The following ZFP1 variants were observed in gnomAD, a reference collection of about 807,000 sequenced individuals.
ZFP1 encodes zinc finger protein 1 homolog.
A neutral mutation model predicts 38.5 loss-of-function variants in ZFP1; 32 were observed. That is an observed-to-expected ratio of 0.83 (90% CI 0.63 to 1.12). The LOEUF is 1.12. Among genes scored for constraint, ZFP1 ranks in the 50% most tolerant of loss-of-function variants. The pLI, the probability that ZFP1 is intolerant of heterozygous loss-of-function variation, is 0.00. For synonymous variants in ZFP1, 245 were observed against 168.8 expected (o/e 1.45, Z -3.50); for missense variants, 616 against 480.8 (o/e 1.28, Z -2.63).
intron 2 of ZFP1, chr16:75,166,483 C>A (rs2038089897): frequency 1.1e-6 from 1 of 945,428 alleles, no homozygotes; most frequent in Admixed American, 6.2e-5. Context: ...GCCCACCTAG[C>A]CTCCCAAAGT....
At chr16:75,124,599 C>T in the ZFP1 span, among the ~76,000 whole-genome samples, 37 of 149,638 alleles carry the variant, frequency 2.5e-4, no homozygotes, top group East Asian at 1.6e-3. Context: ...CTGGCTAACA[C>T]GGTGAAACCC....
At position 75,170,877 on chromosome 16, in the gene ZFP1, G is replaced by C. The variant is rs564955287; in HGVS notation, c.*543G>C. The C allele has an allele frequency of 7.8e-6, 1 of 127,464 alleles. No individual in the cohort carries two copies. Among genetic ancestry groups the C allele is most frequent in the Non-Finnish European group, 1.8e-5 (1 of 56,756 alleles). 7.9% of individuals were successfully genotyped at this position (127,464 alleles called of 1,614,324 possible). ...ACATTTAAAGTAGCATGGAACCTAC[G>C]TCTTTCCCTACTGCTTGCTGGCATA... On this transcript the variant is annotated 3_prime_UTR_variant, in exon 4 of 4. Transcript: ENST00000570010.
chr16:75,133,866 T>C, the ZFP1 span, among the ~76,000 whole-genome samples: 4 of 152,184 alleles, frequency 2.6e-5, no homozygotes, highest in South Asian at 6.2e-4. Flanking sequence ...CTGGCCAACA[T>C]GGTGAAACCC....
At chr16:75,160,296 G>A (rs1424606303) in intron 2 of ZFP1, among the ~76,000 whole-genome samples, 1 of 152,126 alleles carries the variant, frequency 6.6e-6, no homozygotes, top group East Asian at 1.9e-4. Context: ...ACTTTGAAGG[G>A]CCAAGGTGGG....
the ZFP1 span, among the ~76,000 whole-genome samples, chr16:75,119,859 A>C: frequency 7.2e-5 from 11 of 152,166 alleles, no homozygotes. Context: ...ACACACACAC[A>C]TACACAAAGG....
At chr16:75,164,634 G>C (rs1351356182) in intron 2 of ZFP1, among the ~76,000 whole-genome samples, 1 of 151,974 alleles carries the variant, frequency 6.6e-6, no homozygotes, top group African/African-American at 2.4e-5. Flanking sequence ...TCTAGATCGG[G>C]GGTGTCAAAC....
the ZFP1 span, among the ~76,000 whole-genome samples, chr16:75,131,157 A>G: frequency 2.0e-5 from 3 of 152,038 alleles, no homozygotes; most frequent in Non-Finnish European, 4.4e-5. Context: ...CCACCTGGCC[A>G]GTTCTTCCTC....
At chr16:75,130,940 G>A in the ZFP1 span, among the ~76,000 whole-genome samples, 2 of 151,796 alleles carry the variant, frequency 1.3e-5, no homozygotes, top group Non-Finnish European at 2.9e-5. Flanking sequence ...TAAAAATCCT[G>A]CTGTGCCCTG....
the ZFP1 span, among the ~76,000 whole-genome samples, chr16:75,133,223 C>T: frequency 9.2e-5 from 14 of 152,264 alleles, no homozygotes; most frequent in East Asian, 2.1e-3. Flanking sequence ...GTGATCTGCC[C>T]GCTTTGGCCT....
chr16:75,144,123 T>G (rs1000625267), upstream of ZFP1: 2 of 152,224 alleles, frequency 1.3e-5, no homozygotes, highest in Non-Finnish European at 2.9e-5. Flanking sequence ...TTGTGAATTT[T>G]AGAAGGTCTT....
the ZFP1 span, among the ~76,000 whole-genome samples, chr16:75,122,828 A>C: frequency 6.6e-6 from 1 of 152,230 alleles, no homozygotes; most frequent in Non-Finnish European, 1.5e-5. Flanking sequence ...AACAGCTTGG[A>C]GGTTAGAAGC....
At chr16:75,156,457 A>T in intron 2 of ZFP1, among the ~76,000 whole-genome samples, 1 of 45,028 alleles carries the variant, frequency 2.2e-5, no homozygotes, top group East Asian at 5.0e-4. Context: ...ACTCTGTCTC[A>T]GAAAAAGAAA....
the ZFP1 span, among the ~76,000 whole-genome samples, chr16:75,131,666 A>T: frequency 9.9e-4 from 151 of 152,178 alleles, no homozygotes; most frequent in African/African-American, 3.4e-3. Context: ...GGATTGTCTC[A>T]AAAAATGTCT....
the ZFP1 span, among the ~76,000 whole-genome samples, chr16:75,134,668 CG>C: frequency 4.6e-5 from 7 of 150,852 alleles, no homozygotes; most frequent in African/African-American, 1.5e-4. Flanking sequence ...AGGAGAATGG[CG>C]TGAACCGGGA....
chr16:75,169,851 A>G lies in ZFP1; in HGVS notation c.741A>G (p.Lys247=). 1 of 1,614,204 alleles carries G rather than the reference A, an allele frequency of 6.2e-7. No individual in the cohort carries two copies. Among genetic ancestry groups the G allele is most frequent in the Non-Finnish European group, 8.5e-7 (1 of 1,180,026 alleles). ...EKPFECPECG[K]AFTHQSNLIV... is the part of the protein sequence containing the mutation. The stretch of plus-strand genomic sequence containing the variant: ...CTTTCGAGTGTCCGGAATGTGGAAA[A>G]GCTTTCACCCACCAGTCAAACCTCA... The change falls in exon 4 of 4, where the codon AAA becomes AAG. Residue 247 remains lysine (K), a synonymous_variant. Coordinates refer to ENST00000570010, the MANE Select transcript of ZFP1 (RefSeq NM_153688.4).
the ZFP1 span, among the ~76,000 whole-genome samples, chr16:75,138,696 T>C: frequency 1.3e-5 from 2 of 152,188 alleles, no homozygotes; most frequent in Non-Finnish European, 2.9e-5. Context: ...GGGAGAACGC[T>C]ACATGAGGGA....
chr16:75,167,010 G>A, intron 3 of ZFP1, 114 bp downstream of exon 3: 1 of 1,503,228 alleles, frequency 6.7e-7, no homozygotes, highest in Non-Finnish European at 8.9e-7. Flanking sequence ...AAGTCCTCAG[G>A]TATTAAACCT....
chr16:75,160,374 CCCCATCTGTACTAAT>C (rs1443084272), intron 2 of ZFP1, among the ~76,000 whole-genome samples: 3 of 152,010 alleles, frequency 2.0e-5, no homozygotes, highest in Admixed American at 6.6e-5. Context: ...CTGTACTAAA[CCCCATCTGTACTAAT>C]CCCATCTGTA....
chr16:75,128,510 A>G, the ZFP1 span, among the ~76,000 whole-genome samples: 3 of 152,246 alleles, frequency 2.0e-5, no homozygotes, highest in Non-Finnish European at 4.4e-5. Flanking sequence ...TTCCAAAACT[A>G]TAGTAACACT....
Sources: allele counts gnomAD v4.1 joint callset (sites outside exome capture counted in the v4.1 genomes callset), GRCh38; gene constraint gnomAD v4.1.1; transcripts MANE v1.5; gene names NCBI Gene and HGNC (gene_info 2026-07-23, HGNC 2026-07-21).